The following TPM2 variants were observed in gnomAD, a reference collection of about 807,000 sequenced individuals.
TPM2 encodes tropomyosin 2.
TPM2 carries 26 observed loss-of-function variants against 41.0 expected under a neutral mutation model. The observed-to-expected ratio is 0.63, with a 90% CI of 0.46 to 0.88. TPM2 has a LOEUF of 0.88. Among genes scored for constraint, TPM2 ranks in the 40% least tolerant of loss-of-function variants. TPM2 has a pLI of 0.00. For synonymous variants in TPM2, 143 were observed against 139.3 expected (o/e 1.03, Z -0.19); for missense variants, 187 against 355.2 (o/e 0.53, Z 3.81).
In TPM2 at chr9:35,685,634, G is replaced by C. The variant is rs763063209; in HGVS notation, c.374+13C>G. ...CTCCCTCCCGGACCATCCTCCCCGA[G>C]GCCCCTGACCACCTCTCGCTCTCAT... On this transcript the variant is annotated intron_variant, in intron 3 of 8. Coordinates refer to ENST00000645482, the MANE Select transcript of TPM2 (RefSeq NM_003289.4). The surrounding 1 kb of genome is among the most constrained non-coding windows in gnomAD (Gnocchi z 5.0). The C allele has an allele frequency of 1.2e-6, 2 of 1,614,110 alleles. No individual in the cohort carries two copies. The highest frequency in any genetic ancestry group is 1.3e-5 in the African/African-American group (1 of 75,018).
Position 35,689,756 on chromosome 9 carries a change from C to T in TPM2, c.62G>A (p.Arg21His). ...LKLDKENAID[R>H]AEQAEADKKQ... ...CTTGTCGGCTTCGGCCTGCTCGGCGCGGTCGATGGCGTTCTCCTTGTCCAG... is the reference window on the plus strand; with the variant it reads ...CTTGTCGGCTTCGGCCTGCTCGGCGTGGTCGATGGCGTTCTCCTTGTCCAG... The change falls in exon 1 of 9, where the codon CGC (arginine) becomes CAC (histidine). Residue 21 changes from arginine to histidine, a missense_variant. Coordinates refer to ENST00000645482, the MANE Select transcript of TPM2 (RefSeq NM_003289.4). The T allele has an allele frequency of 6.2e-7, 1 of 1,613,790 alleles. No homozygotes were observed. The highest frequency in any genetic ancestry group is 8.5e-7 in the Non-Finnish European group (1 of 1,179,754).
At chr9:35,689,331 C>A in intron 1 of TPM2, 60 bp from the exon 2 acceptor site, 1 of 1,609,378 alleles carries the variant, frequency 6.2e-7, no homozygotes, top group Non-Finnish European at 8.5e-7. Flanking sequence ...AGAATGGAGA[C>A]GCGGTGTGTG....
At chr9:35,682,332 G>T, downstream of TPM2, 1 of 960,050 alleles carries the variant, frequency 1.0e-6, no homozygotes, top group Non-Finnish European at 1.6e-6. Flanking sequence ...TGACTAGGAT[G>T]AGGGGAACAG....
Position 35,683,100 on chromosome 9 carries a change from T to A in TPM2, c.*59A>T, listed in dbSNP as rs948103777. On this transcript the variant is annotated 3_prime_UTR_variant, in exon 9 of 9. Coordinates refer to ENST00000645482, the MANE Select transcript of TPM2 (RefSeq NM_003289.4). ...CTCCTCCTGCCTGCTCCCCTCCCCA[T>A]AGAGAGAATGGAAAGGAGAGGAGAG... is the stretch of plus-strand genomic sequence containing the variant. 3.9e-6 allele frequency: 6 copies of A among 1,551,344 alleles called. No individual in the cohort carries two copies. Among genetic ancestry groups the A allele is most frequent in the Non-Finnish European group, 4.4e-6 (5 of 1,146,854 alleles).
chr9:35,682,978 G>A lies in TPM2; in HGVS notation c.*181C>T, dbSNP rs1179352268. ...CAGCAAAGGAGGGTGGAAGGGGATA[G>A]GTAAAGGATGAAGCCAGTGCCAGAG... is the stretch of plus-strand genomic sequence containing the variant. On this transcript the variant is annotated 3_prime_UTR_variant, in exon 9 of 9. Transcript: ENST00000645482. 1 of 1,527,530 alleles carries A rather than the reference G, an allele frequency of 6.5e-7. No individual in the cohort carries two copies. The highest frequency in any genetic ancestry group is 2.0e-5 in the Admixed American group (1 of 49,766). The allele number at this position is 1,527,530 out of a possible 1,614,324, so 94.6% of individuals were successfully genotyped here.
At chr9:35,688,247 T>A (rs1472383991) in intron 2 of TPM2, among the ~76,000 whole-genome samples, 2 of 152,072 alleles carry the variant, frequency 1.3e-5, no homozygotes, top group African/African-American at 4.8e-5. Flanking sequence ...GCCCAACCCC[T>A]GGGGGGCTGG....
chr9:35,682,873 C>T (rs149382483), downstream of TPM2: 2,316 of 1,456,076 alleles, frequency 1.6e-3, 4 homozygotes, highest in Non-Finnish European at 2.0e-3. Flanking sequence ...CAGGAGTGAA[C>T]CAGTGCTCCG....
Position 35,685,754 on chromosome 9 carries a change from G to A in TPM2, c.267C>T (p.Asn89=). The A allele has an allele frequency of 1.2e-6, 2 of 1,614,206 alleles. No homozygotes were observed. Among genetic ancestry groups the A allele is most frequent in the South Asian group, 1.1e-5 (1 of 91,084 alleles). Residue 89 remains asparagine, a synonymous_variant, in exon 3 of 9, where the codon AAC becomes AAT. Coordinates refer to ENST00000645482, the MANE Select transcript of TPM2 (RefSeq NM_003289.4). This position sits in a 1 kb window ranked among gnomAD's most constrained non-coding sequence, Gnocchi z 5.0. Reference sequence around the variant, plus strand: ...CCTCCTCAACCAGCTGAATGCGGCGGTTCAGGGAGGCCACATCTGCCTCAG... The same window carrying A: ...CCTCCTCAACCAGCTGAATGCGGCGATTCAGGGAGGCCACATCTGCCTCAG... ...TDAEADVASL[N]RRIQLVEEEL... is the part of the protein sequence containing the mutation.
In TPM2 at chr9:35,689,714, C is replaced by T. The variant is rs750411907; in HGVS notation, c.104G>A (p.Arg35His). The part of the protein sequence containing the change: ...AEADKKQAED[R>H]CKQLEEEQQA... Reference sequence around the variant, plus strand: ...GGGCCCGGCCCTAACCTGCTTGCAGCGGTCCTCAGCTTGCTTCTTGTCGGC... The same window carrying T: ...GGGCCCGGCCCTAACCTGCTTGCAGTGGTCCTCAGCTTGCTTCTTGTCGGC... Residue 35 changes from arginine to histidine, a missense_variant, in exon 1 of 9, where the codon CGC (arginine) becomes CAC (histidine). Transcript: ENST00000645482. 7 of 1,613,476 alleles carry T rather than the reference C, an allele frequency of 4.3e-6. No homozygotes were observed. The highest frequency in any genetic ancestry group is 1.1e-5 in the South Asian group (1 of 91,084).
chr9:35,688,500 C>T (rs924060578), intron 2 of TPM2, among the ~76,000 whole-genome samples: 1 of 152,150 alleles, frequency 6.6e-6, no homozygotes, highest in Non-Finnish European at 1.5e-5. Context: ...GCAGAGAAAT[C>T]TCAGGGTAAA....
chr9:35,682,779 T>C (rs1323577966), downstream of TPM2: 2 of 1,337,074 alleles, frequency 1.5e-6, no homozygotes, highest in Non-Finnish European at 2.0e-6. Context: ...GGAGTGCCTG[T>C]GCAGAGGGGT....
downstream of TPM2, chr9:35,682,427 C>G: frequency 7.7e-7 from 1 of 1,290,800 alleles, no homozygotes; most frequent in African/African-American, 1.5e-5. Flanking sequence ...TTATCCTCTT[C>G]TTTAGAAGGT....
chr9:35,684,164 G>T, intron 8 of TPM2, 82 bp downstream of exon 8: 1 of 1,442,734 alleles, frequency 6.9e-7, no homozygotes, highest in Non-Finnish European at 9.8e-7. Flanking sequence ...GTTTATTGGT[G>T]GCAAATAAAA....
At position 35,685,701 on chromosome 9, in the gene TPM2, G is replaced by A; in HGVS notation, c.320C>T (p.Ala107Val). 6.2e-7 allele frequency: 1 copy of A among 1,614,148 alleles called. No homozygotes were observed. The highest frequency in any genetic ancestry group is 1.3e-5 in the African/African-American group (1 of 75,046). Residue 107 changes from alanine (A) to valine (V), a missense_variant, in exon 3 of 9, where the codon GCT becomes GTT. Transcript: ENST00000645482. This position sits in a 1 kb window ranked among gnomAD's most constrained non-coding sequence, Gnocchi z 5.0. ...CTCCTCCAGCTTCTGCAGGGCTGTAGCCAGGCGCTCCTGGGCCCGGTCCAG... is the reference window on the plus strand; with the variant it reads ...CTCCTCCAGCTTCTGCAGGGCTGTAACCAGGCGCTCCTGGGCCCGGTCCAG... Reference protein sequence around the residue: ...EELDRAQERLATALQKLEEAE... With the variant: ...EELDRAQERLVTALQKLEEAE...
chr9:35,684,399 C>T, intron 7 of TPM2, 84 bp from the exon 8 acceptor site: 2 of 1,611,320 alleles, frequency 1.2e-6, no homozygotes, highest in South Asian at 1.1e-5. Context: ...TCTTGTCCAT[C>T]CCAACCCTCA....
Position 35,689,856 on chromosome 9 carries a change from G to C in TPM2, c.-39C>G, listed in dbSNP as rs749789811. The C allele has an allele frequency of 3.7e-6, 6 of 1,612,560 alleles. No individual in the cohort carries two copies. The African/African-American group carries it at 6.7e-5, about 18-fold the overall frequency. On this transcript the variant is annotated 5_prime_UTR_variant, in exon 1 of 9. Transcript: ENST00000645482. ...GGTGGGCCGGCCGGCAGGCGGTGAGGACCGGACGGACTGGGCTGGGTGAGC... is the reference window on the plus strand; with the variant it reads ...GGTGGGCCGGCCGGCAGGCGGTGAGCACCGGACGGACTGGGCTGGGTGAGC...
chr9:35,682,012 G>C (rs1475277549), downstream of TPM2: 1 of 1,528,420 alleles, frequency 6.5e-7, no homozygotes, highest in African/African-American at 1.4e-5. Context: ...AGGGCCTTGA[G>C]AGGCTAGTAA....
upstream of TPM2, chr9:35,689,946 G>T (rs911202352): frequency 1.6e-5 from 25 of 1,575,690 alleles, no homozygotes; most frequent in Non-Finnish European, 2.1e-5. Context: ...GGCCACGCGG[G>T]CGCCTAAAAG....
Position 35,685,383 on chromosome 9 carries a change from T to A in TPM2, c.493-44A>T. On this transcript the variant is annotated intron_variant, in intron 4 of 8. Coordinates refer to ENST00000645482, the MANE Select transcript of TPM2 (RefSeq NM_003289.4). This position sits in a 1 kb window ranked among gnomAD's most constrained non-coding sequence, Gnocchi z 5.0. ...AGAGGGTAGATCAGTGGAGAAGGAC[T>A]GGGCATGTTGCAGGCTGGGCAGCGA... The A allele has an allele frequency of 6.2e-7, 1 of 1,614,140 alleles. No homozygotes were observed. Among genetic ancestry groups the A allele is most frequent in the Non-Finnish European group, 8.5e-7 (1 of 1,179,996 alleles).
Sources: allele counts gnomAD v4.1 joint callset (sites outside exome capture counted in the v4.1 genomes callset), GRCh38; gene constraint gnomAD v4.1.1; non-coding constraint Gnocchi (gnomAD v3.1); transcripts MANE v1.5; gene names NCBI Gene and HGNC (gene_info 2026-07-23, HGNC 2026-07-21).